The following ANKS1B variants were observed in gnomAD, a reference collection of about 807,000 sequenced individuals.
The protein encoded by ANKS1B is ankyrin repeat and sterile alpha motif domain containing 1B, also known as ankyrin repeat and sterile alpha motif domain-containing protein 1B.
Under a neutral mutation model 148.3 loss-of-function variants are expected in ANKS1B, and 36 were observed. That is an observed-to-expected ratio of 0.24 (90% CI 0.19 to 0.32). The LOEUF (loss-of-function observed/expected upper bound fraction) is 0.32, where lower values mean the gene tolerates loss of function less well. Ranked by LOEUF, ANKS1B falls within the 10% of genes least tolerant of loss-of-function variation. ANKS1B has a pLI of 1.00. For synonymous variants in ANKS1B, 542 were observed against 560.8 expected (o/e 0.97, Z 0.47); for missense variants, 1,157 against 1,542.6 (o/e 0.75, Z 4.19).
intron 9 of ANKS1B, among the ~76,000 whole-genome samples, chr12:99,589,011 C>T (rs1365615647): frequency 6.6e-6 from 1 of 152,218 alleles, no homozygotes; most frequent in Admixed American, 6.5e-5. Context: ...CTGGCACACA[C>T]TACAAACACT....
chr12:99,257,137 C>T (rs375801909), intron 12 of ANKS1B, among the ~76,000 whole-genome samples: 20 of 151,740 alleles, frequency 1.3e-4, no homozygotes, highest in Admixed American at 3.9e-4. Flanking sequence ...CCAGCTACTC[C>T]GGAGGCTGAG....
At chr12:98,866,300 A>G (rs2099624381) in intron 17 of ANKS1B, among the ~76,000 whole-genome samples, 1 of 152,112 alleles carries the variant, frequency 6.6e-6, no homozygotes, top group Non-Finnish European at 1.5e-5. Context: ...CACTGCTACT[A>G]CCTCAATCTA....
chr12:99,327,386 AT>A (rs2086662675), intron 12 of ANKS1B, among the ~76,000 whole-genome samples: 1 of 132,832 alleles, frequency 7.5e-6, no homozygotes. Context: ...ATATAATTAT[AT>A]ATTATAATTA....
chr12:98,895,279 C>T (rs550348959), intron 17 of ANKS1B: 2 of 985,494 alleles, frequency 2.0e-6, no homozygotes, highest in Admixed American at 6.1e-5. Context: ...CCCCTCGCAT[C>T]CTCGGTTACT....
At chr12:99,574,102 T>A (rs1055776395) in intron 9 of ANKS1B, among the ~76,000 whole-genome samples, 1 of 152,070 alleles carries the variant, frequency 6.6e-6, no homozygotes, top group Non-Finnish European at 1.5e-5. Context: ...GTGGGTTTAT[T>A]CAATTCCATG....
At chr12:99,532,043 GTT>G (rs143564495) in intron 9 of ANKS1B, among the ~76,000 whole-genome samples, 70 of 145,596 alleles carry the variant, frequency 4.8e-4, no homozygotes, top group African/African-American at 1.7e-3. Flanking sequence ...TAACGGGATT[GTT>G]TTTTTTTTTC....
chr12:99,958,622 C>T (rs1310904693), intron 1 of ANKS1B, among the ~76,000 whole-genome samples: 4 of 152,094 alleles, frequency 2.6e-5, no homozygotes, highest in Admixed American at 6.6e-5. Context: ...TGAGCTCAAA[C>T]AATCCACCCA....
chr12:99,900,975 G>A (rs1260595918), intron 1 of ANKS1B, among the ~76,000 whole-genome samples: 1 of 152,050 alleles, frequency 6.6e-6, no homozygotes, highest in Non-Finnish European at 1.5e-5. Context: ...GAAGAATGAG[G>A]CTGTCCCCTC....
intron 9 of ANKS1B, among the ~76,000 whole-genome samples, chr12:99,645,695 G>C (rs2098355174): frequency 6.6e-6 from 1 of 152,148 alleles, no homozygotes; most frequent in African/African-American, 2.4e-5. Context: ...TCAAGTTCAG[G>C]TAGTTTTTTA....
intron 1 of ANKS1B, among the ~76,000 whole-genome samples, chr12:99,934,359 T>C (rs1359567130): frequency 6.6e-6 from 1 of 152,146 alleles, no homozygotes; most frequent in African/African-American, 2.4e-5. Flanking sequence ...AATTTTTCTT[T>C]AAATGTTTGG....
chr12:98,895,326 C>T lies in ANKS1B; in HGVS notation c.2779-63190G>A, dbSNP rs959106005. On this transcript the variant is annotated intron_variant, in intron 17 of 26. Coordinates refer to ENST00000683438, the MANE Select transcript of ANKS1B (RefSeq NM_001352186.2). ...GCTCCTCCGCCGCCCCCTCCGCGCA[C>T]TCCGGGAGGCCGCCGGGGCGGTAGC... 95 of 984,854 alleles carry T rather than the reference C, an allele frequency of 9.6e-5. No homozygotes were observed. In the African/African-American group the frequency reaches 1.4e-3, roughly 15 times the overall value. The allele number at this position is 984,854 out of a possible 1,614,324, so 61.0% of individuals were successfully genotyped here.
rs989812279 is a variant in ANKS1B, at chr12:99,894,736, C to T, written c.135-69347G>A. Among the ~76,000 whole-genome samples the T allele has an allele frequency of 3.4e-5, 5 of 148,668 alleles. 1 individual carries two copies. The highest frequency in any genetic ancestry group is 1.2e-4 in the African/African-American group (5 of 40,724). Reference sequence around the variant, plus strand: ...GATTATTTCACCCCACTCTGTGATCCAACAATTCATTATATCCAACAATTT... The same window carrying T: ...GATTATTTCACCCCACTCTGTGATCTAACAATTCATTATATCCAACAATTT... On this transcript the variant is annotated intron_variant, in intron 1 of 26. Coordinates refer to ENST00000683438, the MANE Select transcript of ANKS1B (RefSeq NM_001352186.2).
chr12:98,802,395 A>G (rs2099011046), intron 20 of ANKS1B, among the ~76,000 whole-genome samples: 1 of 152,126 alleles, frequency 6.6e-6, no homozygotes, highest in African/African-American at 2.4e-5. Flanking sequence ...CTGCTTTATT[A>G]AATTCTTTGA....
chr12:99,980,304 G>T (rs1018560084), intron 1 of ANKS1B, among the ~76,000 whole-genome samples: 1 of 151,932 alleles, frequency 6.6e-6, no homozygotes, highest in South Asian at 2.1e-4. Flanking sequence ...TTTAATAGCT[G>T]CTATTTTATT....
Position 98,745,524 on chromosome 12 carries a change from G to A in ANKS1B, c.*215C>T. 2.3e-6 allele frequency: 3 copies of A among 1,285,454 alleles called. No homozygotes were observed. Among genetic ancestry groups the A allele is most frequent in the Non-Finnish European group, 3.0e-6 (3 of 1,012,812 alleles). The allele number at this position is 1,285,454 out of a possible 1,614,324, so 79.6% of individuals were successfully genotyped here. On this transcript the variant is annotated 3_prime_UTR_variant, in exon 27 of 27. Coordinates refer to ENST00000683438, the MANE Select transcript of ANKS1B (RefSeq NM_001352186.2). ...TCAGGGAAAACCCATCTCAACTCAC[G>A]CCTCTCAGGGGTTGCGACTGGAAAG...
chr12:99,898,332 T>C (rs1176606750), intron 1 of ANKS1B, among the ~76,000 whole-genome samples: 1 of 152,190 alleles, frequency 6.6e-6, no homozygotes, highest in Non-Finnish European at 1.5e-5. Context: ...AAATTCAGCT[T>C]GGTCTTTCCC....
At chr12:99,015,844 TGACAG>T (rs2099942212) in intron 17 of ANKS1B, among the ~76,000 whole-genome samples, 1 of 152,018 alleles carries the variant, frequency 6.6e-6, no homozygotes, top group Non-Finnish European at 1.5e-5. Context: ...CTAGCCTGGG[TGACAG>T]AGCAAGACTC....
intron 1 of ANKS1B, among the ~76,000 whole-genome samples, chr12:99,951,037 T>G (rs1467038615): frequency 6.6e-6 from 1 of 152,208 alleles, no homozygotes; most frequent in Non-Finnish European, 1.5e-5. Context: ...TGAAAAGGAT[T>G]TCCCCCTCAG....
intron 1 of ANKS1B, among the ~76,000 whole-genome samples, chr12:99,863,081 G>A (rs557540135): frequency 8.9e-4 from 136 of 152,258 alleles, no homozygotes; most frequent in East Asian, 1.7e-3. Context: ...TGTGTGCTGC[G>A]CCATTCATAT....
Sources: allele counts gnomAD v4.1 joint callset (sites outside exome capture counted in the v4.1 genomes callset), GRCh38; gene constraint gnomAD v4.1.1; transcripts MANE v1.5; gene names NCBI Gene and HGNC (gene_info 2026-07-23, HGNC 2026-07-21).